PICALM: variants seen among roughly 807,000 people sequenced by gnomAD.
PICALM encodes phosphatidylinositol-binding clathrin assembly protein.
In PICALM, 40 loss-of-function variants were observed where a neutral mutation model predicts 80.5. That is an observed-to-expected ratio of 0.50 (90% CI 0.39 to 0.65). The LOEUF (loss-of-function observed/expected upper bound fraction) is 0.65. Among genes scored for constraint, PICALM ranks in the 30% least tolerant of loss-of-function variants. The probability of loss-of-function intolerance (pLI) is 0.00; values close to 1 mark genes in which losing one functional copy is unlikely to be tolerated. For missense variants in PICALM, 676 were observed against 778.9 expected (o/e 0.87, Z 1.57); for synonymous variants, 288 against 260.3 (o/e 1.11, Z -1.02).
At position 86,031,547 on chromosome 11, in the gene PICALM, T is replaced by A; in HGVS notation, c.195A>T (p.Glu65Asp). 1.2e-6 allele frequency: 2 copies of A among 1,609,852 alleles called. No individual in the cohort carries two copies. The highest frequency in any genetic ancestry group is 1.7e-6 in the Non-Finnish European group (2 of 1,176,666). ...NIPQLADSLF[E>D]RTTNSSWVVV... ...CCACCCAACTACTATTAGTAGTTCTTTCAAATAAACTGTCTGCCAACTGTG... is the reference window on the plus strand; with the variant it reads ...CCACCCAACTACTATTAGTAGTTCTATCAAATAAACTGTCTGCCAACTGTG... The change falls in exon 2 of 20, where the codon GAA (glutamate) becomes GAT (aspartate). Residue 65 changes from glutamate (E) to aspartate (D), a missense_variant. Physicochemically the swap from Glu to Asp is conservative, Grantham distance 45 (BLOSUM62 2). Around this residue, in one of 2 missense-constraint regions of PICALM, gnomAD observed 285 missense variants for 395.4 expected, o/e 0.72. Coordinates refer to ENST00000393346, the MANE Select transcript of PICALM (RefSeq NM_007166.4).
At chr11:86,040,003 C>CAAAAA (rs752086947) in intron 1 of PICALM, among the ~76,000 whole-genome samples, 1 of 53,388 alleles carries the variant, frequency 1.9e-5, no homozygotes, top group Non-Finnish European at 3.5e-5. Context: ...GACGCCGTCT[C>CAAAAA]AAAAAAAAAA....
chr11:85,979,097 T>C (rs1268468226), intron 17 of PICALM, among the ~76,000 whole-genome samples: 1 of 152,198 alleles, frequency 6.6e-6, no homozygotes, highest in African/African-American at 2.4e-5. Context: ...AGTGGGGTGA[T>C]ACATGCTCCA....
intron 7 of PICALM, among the ~76,000 whole-genome samples, chr11:86,010,502 T>A (rs905657020): frequency 6.6e-6 from 1 of 152,112 alleles, no homozygotes; most frequent in African/African-American, 2.4e-5. Context: ...AATTTTTGTA[T>A]CTTTAGTATA....
intron 1 of PICALM, among the ~76,000 whole-genome samples, chr11:86,066,512 T>C (rs889696519): frequency 6.6e-6 from 1 of 152,170 alleles, no homozygotes; most frequent in African/African-American, 2.4e-5. Flanking sequence ...CAGTAGTGGC[T>C]ATAACAAGAG....
At chr11:86,042,998 A>G (rs530946526) in intron 1 of PICALM, among the ~76,000 whole-genome samples, 35 of 152,328 alleles carry the variant, frequency 2.3e-4, no homozygotes, top group Non-Finnish European at 4.4e-4. Context: ...TTAGTTAGGA[A>G]TGACCAACCG....
intron 9 of PICALM, among the ~76,000 whole-genome samples, chr11:86,002,416 A>G (rs2136124095): frequency 6.6e-6 from 1 of 152,380 alleles, no homozygotes; most frequent in African/African-American, 2.4e-5. Flanking sequence ...AAAAAGGTTC[A>G]TAAGAAAACA....
intron 1 of PICALM, among the ~76,000 whole-genome samples, chr11:86,047,299 C>A (rs1219531792): frequency 1.3e-5 from 2 of 152,224 alleles, no homozygotes; most frequent in Admixed American, 6.5e-5. Flanking sequence ...AGTAGGCCAC[C>A]TCTTGTCTGG....
intron 1 of PICALM, among the ~76,000 whole-genome samples, chr11:86,033,526 T>A (rs1449095441): frequency 2.0e-5 from 3 of 152,168 alleles, no homozygotes; most frequent in African/African-American, 7.2e-5. Context: ...CATAGCTATT[T>A]GCTAAAGTGT....
intron 8 of PICALM, among the ~76,000 whole-genome samples, chr11:86,005,564 G>C (rs1004027790): frequency 1.3e-5 from 2 of 152,084 alleles, no homozygotes; most frequent in African/African-American, 4.8e-5. Flanking sequence ...AATTAGTTGG[G>C]TGTGGTGGCA....
chr11:85,972,088 G>A (rs912345467), intron 19 of PICALM, among the ~76,000 whole-genome samples: 7 of 152,026 alleles, frequency 4.6e-5, no homozygotes, highest in Non-Finnish European at 8.8e-5. Flanking sequence ...TGGCCAACAA[G>A]AAATTTTTTA....
intron 1 of PICALM, among the ~76,000 whole-genome samples, chr11:86,061,792 C>T (rs1204166174): frequency 1.3e-5 from 2 of 152,202 alleles, no homozygotes; most frequent in East Asian, 3.8e-4. Context: ...ACACAAAAGA[C>T]ACGCACACAG....
At position 86,003,381 on chromosome 11, in the gene PICALM, G is replaced by C; in HGVS notation, c.878C>G (p.Ser293Cys). The C allele has an allele frequency of 6.3e-7, 1 of 1,592,610 alleles. No individual in the cohort carries two copies. Among genetic ancestry groups the C allele is most frequent in the Non-Finnish European group, 8.6e-7 (1 of 1,163,908 alleles). The change falls in exon 9 of 20, where the codon TCT (serine) becomes TGT (cysteine). Residue 293 changes from serine to cysteine, a missense_variant. Transcript: ENST00000393346. The stretch of plus-strand genomic sequence containing the variant: ...AATGATATACCTGCTTGCAGCTGTA[G>C]AATCTTTGATTTTCTTTCCTTCCAA... ...ASLEGKKIKD[S>C]TAASRATTLS...
intron 7 of PICALM, among the ~76,000 whole-genome samples, chr11:86,010,403 T>C (rs748476772): frequency 2.0e-5 from 3 of 151,912 alleles, no homozygotes; most frequent in African/African-American, 7.2e-5. Flanking sequence ...CTCAGCTCAC[T>C]GCAACCTCCG....
chr11:85,981,412 CCTGG>C (rs1277628285), intron 16 of PICALM, among the ~76,000 whole-genome samples, 184 bp from the exon 17 acceptor site: 1 of 152,074 alleles, frequency 6.6e-6, no homozygotes, highest in Non-Finnish European at 1.5e-5. Context: ...TTGAGACCAA[CCTGG>C]CTAACACGGC....
At chr11:86,051,618 G>C (rs1008889228) in intron 1 of PICALM, among the ~76,000 whole-genome samples, 1 of 152,052 alleles carries the variant, frequency 6.6e-6, no homozygotes, top group Non-Finnish European at 1.5e-5. Context: ...CTGACATCGC[G>C]ACACTGCACT....
rs140266798 is a variant in PICALM, at chr11:86,031,523, C to T, written c.219G>A (p.Val73=). 2.5e-6 allele frequency: 4 copies of T among 1,610,420 alleles called. No homozygotes were observed. The African/African-American group carries it at 5.3e-5, about 22-fold the overall frequency. The part of the protein sequence containing the change: ...LFERTTNSSW[V]VVFKSLITTH... ...TTGTAATGAGAGATTTGAAGACCAC[C>T]ACCCAACTACTATTAGTAGTTCTTT... The change falls in exon 2 of 20, where the codon GTG becomes GTA. Residue 73 remains valine, a synonymous_variant. Coordinates refer to ENST00000393346, the MANE Select transcript of PICALM (RefSeq NM_007166.4).
At chr11:86,038,088 G>C (rs1307399848) in intron 1 of PICALM, among the ~76,000 whole-genome samples, 6 of 152,196 alleles carry the variant, frequency 3.9e-5, no homozygotes, top group African/African-American at 1.4e-4. Flanking sequence ...GGAAAGTTGA[G>C]GCAGGTAGAT....
intron 1 of PICALM, among the ~76,000 whole-genome samples, chr11:86,048,595 G>T (rs549713699): frequency 1.4e-5 from 2 of 147,572 alleles, no homozygotes; most frequent in East Asian, 2.1e-4. Context: ...GCACTTTGGG[G>T]GGCTGAGGCG....
At chr11:86,021,754 T>C (rs1171555119) in intron 4 of PICALM, among the ~76,000 whole-genome samples, 3 of 152,106 alleles carry the variant, frequency 2.0e-5, no homozygotes, top group South Asian at 2.1e-4. Flanking sequence ...TTATTCCTAA[T>C]AGGCAAAAGT....
Sources: allele counts gnomAD v4.1 joint callset (sites outside exome capture counted in the v4.1 genomes callset), GRCh38; gene constraint gnomAD v4.1.1; regional missense constraint gnomAD v4.1.1; transcripts MANE v1.5; gene names NCBI Gene and HGNC (gene_info 2026-07-23, HGNC 2026-07-21).